The following PHF2 variants were observed in gnomAD, a reference collection of about 807,000 sequenced individuals.
The protein encoded by PHF2 is lysine-specific demethylase PHF2.
PHF2 carries 27 observed loss-of-function variants against 120.5 expected under a neutral mutation model. The ratio of observed to expected loss-of-function variants is 0.22; its 90% CI spans 0.17 to 0.31. PHF2 has a LOEUF of 0.31. Ranked by LOEUF, PHF2 falls within the 10% of genes least tolerant of loss-of-function variation. PHF2 has a pLI of 1.00. For missense variants in PHF2, 1,024 were observed against 1,434.8 expected (o/e 0.71, Z 4.63); for synonymous variants, 568 against 592.5 (o/e 0.96, Z 0.60).
intron 1 of PHF2, among the ~76,000 whole-genome samples, chr9:93,612,967 G>A (rs1012626385): frequency 1.6e-4 from 24 of 152,214 alleles, no homozygotes; most frequent in African/African-American, 5.8e-4. Context: ...TGGTGCTGAT[G>A]GGAACTCCAG....
At chr9:93,629,152 C>T (rs187558494) in intron 1 of PHF2, among the ~76,000 whole-genome samples, 7 of 152,128 alleles carry the variant, frequency 4.6e-5, no homozygotes, top group Non-Finnish European at 7.3e-5. Context: ...CCGCCCACCT[C>T]GGCCTCTCAA....
chr9:93,599,609 A>G (rs1211255352), intron 1 of PHF2, among the ~76,000 whole-genome samples: 4 of 152,242 alleles, frequency 2.6e-5, no homozygotes, highest in African/African-American at 9.6e-5. Flanking sequence ...GAAGCAGCTC[A>G]TGGGGGACTG....
intron 1 of PHF2, among the ~76,000 whole-genome samples, chr9:93,583,575 A>T (rs991914925): frequency 2.6e-4 from 39 of 149,998 alleles, no homozygotes; most frequent in Middle Eastern, 3.5e-3. Flanking sequence ...TGTTTTCCTA[A>T]TTTTTTTTTT....
intron 1 of PHF2, among the ~76,000 whole-genome samples, chr9:93,599,682 C>A (rs928606578): frequency 3.9e-5 from 6 of 152,262 alleles, no homozygotes; most frequent in African/African-American, 1.4e-4. Flanking sequence ...CTTCACTAAA[C>A]CATAACATGC....
chr9:93,633,112 C>T (rs1034192076), intron 2 of PHF2, among the ~76,000 whole-genome samples: 3 of 152,186 alleles, frequency 2.0e-5, no homozygotes, highest in African/African-American at 4.8e-5. Context: ...CCCTAGCCTG[C>T]GGGTGGGGAT....
chr9:93,642,315 G>A (rs910910397), intron 3 of PHF2, among the ~76,000 whole-genome samples: 1 of 152,228 alleles, frequency 6.6e-6, no homozygotes, highest in Admixed American at 6.5e-5. Context: ...AAAGAAGTCA[G>A]CTGGGATTTT....
chr9:93,588,461 C>T (rs1317668808), intron 1 of PHF2, among the ~76,000 whole-genome samples: 1 of 152,170 alleles, frequency 6.6e-6, no homozygotes, highest in Non-Finnish European at 1.5e-5. Context: ...GAATAACTCT[C>T]TTTGGAGGTC....
intron 2 of PHF2, among the ~76,000 whole-genome samples, chr9:93,632,236 G>A (rs528138603): frequency 5.3e-5 from 8 of 152,292 alleles, no homozygotes; most frequent in South Asian, 2.1e-4. Flanking sequence ...TGTCTCCTAC[G>A]GCCAGCTGCC....
intron 1 of PHF2, among the ~76,000 whole-genome samples, chr9:93,600,723 A>G (rs1411584917): frequency 1.3e-5 from 2 of 152,100 alleles, no homozygotes; most frequent in Non-Finnish European, 2.9e-5. Flanking sequence ...GCACTGGGGG[A>G]GGGGAGCTCG....
intron 3 of PHF2, among the ~76,000 whole-genome samples, chr9:93,642,416 TTA>T (rs1286097166): frequency 1.3e-5 from 2 of 152,240 alleles, no homozygotes; most frequent in Non-Finnish European, 2.9e-5. Flanking sequence ...TCTTATAGAA[TTA>T]TATCTTTTAG....
chr9:93,619,248 G>A (rs1249353672), intron 1 of PHF2, among the ~76,000 whole-genome samples: 1 of 152,158 alleles, frequency 6.6e-6, no homozygotes, highest in Admixed American at 6.5e-5. Context: ...GAGGTCACAA[G>A]CTGAGACACA....
In PHF2 at chr9:93,665,839, A is replaced by G; in HGVS notation, c.2091A>G (p.Lys697=). The change falls in exon 15 of 22, where the codon AAA becomes AAG. Residue 697 remains lysine, a synonymous_variant. Transcript: ENST00000359246. ...KIDEFPIRRK[K]NAPKRDLSFL... is the part of the protein sequence containing the mutation. ...ACGAGTTTCCCATCAGGAGGAAGAA[A>G]AACGCCCCGAAAAGGGACTTGTCCT... The G allele has an allele frequency of 6.2e-7, 1 of 1,613,548 alleles. No homozygotes were observed. Among genetic ancestry groups the G allele is most frequent in the Non-Finnish European group, 8.5e-7 (1 of 1,179,980 alleles).
At chr9:93,604,091 G>A (rs1825493350) in intron 1 of PHF2, among the ~76,000 whole-genome samples, 1 of 152,206 alleles carries the variant, frequency 6.6e-6, no homozygotes, top group Admixed American at 6.5e-5. Context: ...GAAACAGATG[G>A]GGGAGTGCAG....
At chr9:93,658,796 G>A (rs1049057086) in intron 10 of PHF2, among the ~76,000 whole-genome samples, 5 of 152,122 alleles carry the variant, frequency 3.3e-5, no homozygotes, top group Admixed American at 6.5e-5. Context: ...TCTGTGACCC[G>A]GGCAGCCCCT....
rs759156891 is a variant in PHF2 at position 93,666,002 on chromosome 9, A to G, written c.2129A>G (p.Lys710Arg). Reference protein sequence around the residue: ...PKRDLSFLLDKKAVLPTPVTK... With the variant: ...PKRDLSFLLDRKAVLPTPVTK... The stretch of plus-strand genomic sequence containing the variant: ...GCTGTGCTTTCAGTCTTGTTGGATA[A>G]GAAGGCTGTGCTGCCCACGCCTGTC... The change falls in exon 16 of 22, where the codon AAG becomes AGG. Residue 710 changes from lysine (K) to arginine (R), a missense_variant. Transcript: ENST00000359246. 1 of 1,613,426 alleles carries G rather than the reference A, an allele frequency of 6.2e-7. No individual in the cohort carries two copies. Among genetic ancestry groups the G allele is most frequent in the Non-Finnish European group, 8.5e-7 (1 of 1,179,784 alleles).
At chr9:93,636,562 C>CTG in intron 3 of PHF2, 37 bp downstream of exon 3, 2 of 1,352,838 alleles carry the variant, frequency 1.5e-6, no homozygotes, top group Non-Finnish European at 2.1e-6. Context: ...CCACCTGCAG[C>CTG]CAGGGGATGC....
chr9:93,642,193 A>G (rs1826182447), intron 3 of PHF2, among the ~76,000 whole-genome samples: 1 of 152,182 alleles, frequency 6.6e-6, no homozygotes, highest in Non-Finnish European at 1.5e-5. Context: ...TTCGTATTGA[A>G]TTTTGAGGTT....
chr9:93,576,723 C>G lies in PHF2; in HGVS notation c.-51C>G. 3 of 929,664 alleles carry G rather than the reference C, an allele frequency of 3.2e-6. No individual in the cohort carries two copies. The highest frequency in any genetic ancestry group is 3.9e-6 in the Non-Finnish European group (3 of 760,182). The allele number at this position is 929,664 out of a possible 1,614,324, so 57.6% of individuals were successfully genotyped here. On this transcript the variant is annotated 5_prime_UTR_variant, in exon 1 of 22. Coordinates refer to ENST00000359246, the MANE Select transcript of PHF2 (RefSeq NM_005392.4). ...GGCCCGGCCCCCGGCCCGGCCCGGA[C>G]CGACCCGGGCAGCGCAGCGGCGGGG...
intron 14 of PHF2, among the ~76,000 whole-genome samples, chr9:93,664,687 C>T (rs567190854): frequency 5.9e-5 from 9 of 152,354 alleles, no homozygotes; most frequent in African/African-American, 2.2e-4. Flanking sequence ...GGCTGCCCAG[C>T]TTCATGGCCC....
Sources: allele counts gnomAD v4.1 joint callset (sites outside exome capture counted in the v4.1 genomes callset), GRCh38; gene constraint gnomAD v4.1.1; transcripts MANE v1.5; gene names NCBI Gene and HGNC (gene_info 2026-07-23, HGNC 2026-07-21).